AUTS2: variants seen among roughly 807,000 people sequenced by gnomAD.
The protein encoded by AUTS2 is autism susceptibility gene 2 protein.
In AUTS2, 17 loss-of-function variants were observed where a neutral mutation model predicts 112.4. The observed-to-expected ratio is 0.15, with a 90% CI of 0.10 to 0.23. The LOEUF (loss-of-function observed/expected upper bound fraction) is 0.23. Ranked by LOEUF, AUTS2 falls within the 10% of genes least tolerant of loss-of-function variation. The pLI is 1.00. For synonymous variants in AUTS2, 751 were observed against 702.7 expected (o/e 1.07, Z -1.09); for missense variants, 1,510 against 1,701.6 (o/e 0.89, Z 1.98).
chr7:70,219,375 C>T (rs911689581), intron 4 of AUTS2, among the ~76,000 whole-genome samples: 1 of 152,032 alleles, frequency 6.6e-6, no homozygotes, highest in Non-Finnish European at 1.5e-5. Context: ...GTCGCTCATG[C>T]GTTCTCCAAT....
intron 2 of AUTS2, among the ~76,000 whole-genome samples, chr7:69,959,660 C>T (rs1197306839): frequency 2.0e-5 from 3 of 152,112 alleles, no homozygotes; most frequent in Non-Finnish European, 2.9e-5. Context: ...AGCTTTACGT[C>T]TCTTATCCTT....
Position 70,055,706 on chromosome 7 carries a change from G to A in AUTS2, c.523-62426G>A, listed in dbSNP as rs150588428. On this transcript the variant is annotated intron_variant, in intron 2 of 18. Coordinates refer to ENST00000342771, the MANE Select transcript of AUTS2 (RefSeq NM_015570.4). The stretch of plus-strand genomic sequence containing the variant: ...TTACACCACTGGAGATTTTTAAGGT[G>A]GGTATGGGTATTAAGGTGGGTATTG... Among the ~76,000 whole-genome samples, 294 of 152,226 alleles carry A rather than the reference G, an allele frequency of 1.9e-3. 1 individual carries two copies. The highest frequency in any genetic ancestry group is 6.3e-3 in the African/African-American group (262 of 41,540).
chr7:70,345,536 T>A (rs904964460), intron 4 of AUTS2, among the ~76,000 whole-genome samples: 9 of 152,188 alleles, frequency 5.9e-5, no homozygotes, highest in Admixed American at 4.6e-4. Flanking sequence ...TCCCTTCTTA[T>A]AGGGGCAGTT....
chr7:69,884,213 G>T (rs1794177742), intron 1 of AUTS2, among the ~76,000 whole-genome samples: 1 of 152,204 alleles, frequency 6.6e-6, no homozygotes. Context: ...TCAAAACTCT[G>T]CTGAGCTCAT....
intron 4 of AUTS2, among the ~76,000 whole-genome samples, chr7:70,348,658 A>T (rs1791608799): frequency 6.6e-6 from 1 of 152,104 alleles, no homozygotes; most frequent in Non-Finnish European, 1.5e-5. Flanking sequence ...ACAAAAAAAA[A>T]AATTAGCCAG....
chr7:70,053,431 A>G (rs1801842127), intron 2 of AUTS2, among the ~76,000 whole-genome samples: 1 of 152,188 alleles, frequency 6.6e-6, no homozygotes, highest in Non-Finnish European at 1.5e-5. Flanking sequence ...GTGAATAATA[A>G]TGTGCTATAA....
intron 2 of AUTS2, among the ~76,000 whole-genome samples, chr7:70,000,821 C>A (rs1799157398): frequency 6.6e-6 from 1 of 152,186 alleles, no homozygotes; most frequent in Admixed American, 6.5e-5. Context: ...CATGGTCTCT[C>A]ATTTTCTGAT....
At chr7:70,346,848 C>T (rs576154292) in intron 4 of AUTS2, among the ~76,000 whole-genome samples, 13 of 152,296 alleles carry the variant, frequency 8.5e-5, no homozygotes, top group African/African-American at 2.9e-4. Context: ...ATTCCCCTCA[C>T]GTGAAACAAC....
chr7:70,066,317 T>C (rs1802489662), intron 2 of AUTS2, among the ~76,000 whole-genome samples: 1 of 152,336 alleles, frequency 6.6e-6, no homozygotes, highest in South Asian at 2.1e-4. Context: ...TTTAAAAAGC[T>C]AAATTTAACA....
At chr7:69,787,543 T>C (rs1360790583) in intron 1 of AUTS2, among the ~76,000 whole-genome samples, 2 of 152,136 alleles carry the variant, frequency 1.3e-5, no homozygotes, top group Non-Finnish European at 2.9e-5. Context: ...TAGCATTTAT[T>C]ATAGTAGTTA....
Position 69,969,379 on chromosome 7 carries a change from T to C in AUTS2, c.522+69881T>C, listed in dbSNP as rs1164463220. Among the ~76,000 whole-genome samples, 3 of 152,138 alleles carry C rather than the reference T, an allele frequency of 2.0e-5. No homozygotes were observed. In the East Asian group the frequency reaches 5.8e-4, roughly 29 times the overall value. On this transcript the variant is annotated intron_variant, in intron 2 of 18. Transcript: ENST00000342771. ...TCCATATGGCAAGGCACAAGTGTAA[T>C]GTAAAGCTAAGTAATGTAAGGCTCT...
At chr7:69,820,679 A>C (rs1273108002) in intron 1 of AUTS2, among the ~76,000 whole-genome samples, 1 of 152,210 alleles carries the variant, frequency 6.6e-6, no homozygotes, top group African/African-American at 2.4e-5. Flanking sequence ...AGGGATCATC[A>C]AGGCAGTGTT....
chr7:70,077,015 G>T (rs146140067), intron 2 of AUTS2, among the ~76,000 whole-genome samples: 1 of 152,152 alleles, frequency 6.6e-6, no homozygotes, highest in Admixed American at 6.5e-5. Flanking sequence ...TATTTAAAGG[G>T]CTGTCATGTA....
At chr7:70,543,642 G>A (rs1001862358) in intron 5 of AUTS2, among the ~76,000 whole-genome samples, 25 of 152,158 alleles carry the variant, frequency 1.6e-4, no homozygotes, top group Non-Finnish European at 3.1e-4. Flanking sequence ...CCTGACTGCA[G>A]TTTGTTGCCT....
intron 4 of AUTS2, among the ~76,000 whole-genome samples, chr7:70,405,921 A>G (rs1313844187): frequency 1.3e-5 from 2 of 152,138 alleles, no homozygotes; most frequent in African/African-American, 4.8e-5. Context: ...AATAAAACAC[A>G]CTTGTTTTTC....
At chr7:69,875,372 T>C (rs1327805625) in intron 1 of AUTS2, among the ~76,000 whole-genome samples, 1 of 152,216 alleles carries the variant, frequency 6.6e-6, no homozygotes, top group Non-Finnish European at 1.5e-5. Context: ...TTTTCTTCTG[T>C]GGTTCAGAAG....
intron 1 of AUTS2, among the ~76,000 whole-genome samples, chr7:69,790,686 T>A (rs1031929748): frequency 6.6e-6 from 1 of 152,274 alleles, no homozygotes; most frequent in Non-Finnish European, 1.5e-5. Context: ...ACATAGCAAG[T>A]ACTATTTAAG....
intron 5 of AUTS2, among the ~76,000 whole-genome samples, chr7:70,573,424 C>T (rs1802033363): frequency 6.6e-6 from 1 of 152,184 alleles, no homozygotes; most frequent in African/African-American, 2.4e-5. Context: ...GGGGATAATG[C>T]ACTTTTTGTG....
intron 3 of AUTS2, among the ~76,000 whole-genome samples, chr7:70,125,691 C>T (rs2129574105): frequency 6.6e-6 from 1 of 152,288 alleles, no homozygotes. Context: ...ACCTGGGTCA[C>T]CTCCTACCCG....
Sources: allele counts gnomAD v4.1 joint callset (sites outside exome capture counted in the v4.1 genomes callset), GRCh38; gene constraint gnomAD v4.1.1; transcripts MANE v1.5; gene names NCBI Gene and HGNC (gene_info 2026-07-23, HGNC 2026-07-21).